The following WDR7 variants were observed in gnomAD, a reference collection of about 807,000 sequenced individuals.
WDR7 encodes the protein WD repeat-containing protein 7.
In WDR7, 46 loss-of-function variants were observed where a neutral mutation model predicts 169.4. The observed-to-expected ratio is 0.27, with a 90% CI of 0.21 to 0.35. The LOEUF (loss-of-function observed/expected upper bound fraction) is 0.35, where lower values mean the gene tolerates loss of function less well. Among genes scored for constraint, WDR7 ranks in the 10% least tolerant of loss-of-function variants. WDR7 has a pLI of 1.00. For synonymous variants in WDR7, 612 were observed against 666.8 expected, an observed-to-expected ratio of 0.92 and a Z score of 1.27; for missense variants, 1,534 against 1,859.3, an observed-to-expected ratio of 0.83 and a Z score of 3.22.
chr18:56,947,136 C>T (rs1301277878), intron 25 of WDR7, among the ~76,000 whole-genome samples: 1 of 152,172 alleles, frequency 6.6e-6, no homozygotes, highest in East Asian at 1.9e-4. Flanking sequence ...TGTTTTATCA[C>T]TGTAACAAAT....
intron 19 of WDR7, among the ~76,000 whole-genome samples, chr18:56,793,541 T>C (rs916140389): frequency 4.6e-5 from 7 of 152,248 alleles, no homozygotes; most frequent in Admixed American, 4.6e-4. Flanking sequence ...TGATTTTCTT[T>C]CACACTAAAT....
intron 1 of WDR7, among the ~76,000 whole-genome samples, chr18:56,667,755 G>C (rs621618): frequency 0.16 from 25,013 of 151,978 alleles, 2,508 homozygotes; most frequent in African/African-American, 0.28. Flanking sequence ...GATCACCTTG[G>C]TGTGTTGAAA....
intron 21 of WDR7, among the ~76,000 whole-genome samples, chr18:56,894,275 C>T (rs527323413): frequency 1.3e-5 from 2 of 152,104 alleles, no homozygotes; most frequent in Admixed American, 6.6e-5. Context: ...ATGTGGATCA[C>T]ATCCATGTTT....
At chr18:56,853,650 C>T (rs2045674365) in intron 20 of WDR7, among the ~76,000 whole-genome samples, 1 of 152,100 alleles carries the variant, frequency 6.6e-6, no homozygotes, top group African/African-American at 2.4e-5. Flanking sequence ...TGTTACATTC[C>T]CTGTCTGCTT....
At chr18:56,808,953 G>A (rs182473756) in intron 19 of WDR7, among the ~76,000 whole-genome samples, 44 of 152,150 alleles carry the variant, frequency 2.9e-4, no homozygotes, top group African/African-American at 7.9e-4. Context: ...AATCTAGATG[G>A]CGTGAGGATC....
At chr18:56,991,542 G>C (rs1599226337) in intron 26 of WDR7, among the ~76,000 whole-genome samples, 2 of 152,190 alleles carry the variant, frequency 1.3e-5, no homozygotes, top group East Asian at 1.9e-4. Flanking sequence ...AACCCTGTTG[G>C]GGGGAAAAAA....
At chr18:56,834,006 C>T (rs2045357240) in intron 20 of WDR7, among the ~76,000 whole-genome samples, 6 of 152,208 alleles carry the variant, frequency 3.9e-5, no homozygotes, top group Admixed American at 3.9e-4. Context: ...ATGGCTAAGT[C>T]TTATCTGAGG....
At position 56,651,396 on chromosome 18, in the gene WDR7, C is replaced by G. The variant is rs918817112; in HGVS notation, c.-200C>G. On this transcript the variant is annotated 5_prime_UTR_variant, in exon 1 of 28. Transcript: ENST00000254442. ...GCAGTGGCGGCGGCGGCGGCACCGG[C>G]ACCTTGCAGTATCACTGGGGAGACG... The G allele has an allele frequency of 6.5e-6, 1 of 153,910 alleles. No individual in the cohort carries two copies. Among genetic ancestry groups the G allele is most frequent in the Admixed American group, 6.5e-5 (1 of 15,302 alleles). The allele number at this position is 153,910 out of a possible 1,614,324, so 9.5% of individuals were successfully genotyped here.
At chr18:56,838,198 T>A (rs1158628965) in intron 20 of WDR7, among the ~76,000 whole-genome samples, 2 of 151,650 alleles carry the variant, frequency 1.3e-5, no homozygotes, top group Non-Finnish European at 2.9e-5. Flanking sequence ...GTGTCATTGT[T>A]GCTTTATTAT....
intron 26 of WDR7, among the ~76,000 whole-genome samples, chr18:57,018,239 A>G (rs1042016658): frequency 6.6e-6 from 1 of 152,234 alleles, no homozygotes; most frequent in Admixed American, 6.5e-5. Flanking sequence ...ACCTCTACAC[A>G]GAGTTGGGCT....
At chr18:57,009,737 T>G (rs1355855884) in intron 26 of WDR7, 1 of 606,302 alleles carries the variant, frequency 1.6e-6, no homozygotes, top group Non-Finnish European at 2.1e-6. Context: ...AGCATTTCTC[T>G]TTTCAGAATG....
intron 12 of WDR7, among the ~76,000 whole-genome samples, chr18:56,702,227 C>G (rs533118155): frequency 6.6e-6 from 1 of 152,130 alleles, no homozygotes; most frequent in Non-Finnish European, 1.5e-5. Context: ...TCCCTTCCAC[C>G]TCCCTCCCAG....
rs769359966 is a variant in WDR7, at chr18:56,756,955, T to C, written c.2362T>C (p.Leu788=). 2 of 1,614,114 alleles carry C rather than the reference T, an allele frequency of 1.2e-6. No individual in the cohort carries two copies. Among genetic ancestry groups the C allele is most frequent in the Non-Finnish European group, 1.7e-6 (2 of 1,180,018 alleles). ...ATATCGGTCCAGCAAATCAAAGCCA[T>C]TGACCCTATTAGAATATAATTTAAC... ...PEYRSSKSKP[L]TLLEYNLTMD... The change falls in exon 15 of 28, where the codon TTG becomes CTG. Residue 788 remains leucine, a synonymous_variant. Coordinates refer to ENST00000254442, the MANE Select transcript of WDR7 (RefSeq NM_015285.3).
intron 20 of WDR7, among the ~76,000 whole-genome samples, chr18:56,863,206 ATC>A (rs1803543796): frequency 6.6e-6 from 1 of 151,824 alleles, no homozygotes. Context: ...GACAAATAAA[ATC>A]TCTTTTCTTA....
chr18:56,897,139 A>G (rs542563211), intron 21 of WDR7, among the ~76,000 whole-genome samples: 2 of 152,040 alleles, frequency 1.3e-5, no homozygotes, highest in East Asian at 1.9e-4. Flanking sequence ...CTGAAAACCT[A>G]AAGTCCAACA....
At chr18:56,724,900 G>C (rs1229374338) in intron 13 of WDR7, among the ~76,000 whole-genome samples, 1 of 151,960 alleles carries the variant, frequency 6.6e-6, no homozygotes, top group Non-Finnish European at 1.5e-5. Flanking sequence ...GAGAACATGC[G>C]GTGTTTGGTT....
intron 19 of WDR7, among the ~76,000 whole-genome samples, chr18:56,785,716 C>G (rs1025920503): frequency 3.3e-5 from 5 of 151,764 alleles, no homozygotes; most frequent in Non-Finnish European, 7.4e-5. Context: ...TGACTGGGAT[C>G]TTCTATATTT....
At chr18:56,853,015 ATTAT>A (rs1460633121) in intron 20 of WDR7, among the ~76,000 whole-genome samples, 1 of 149,742 alleles carries the variant, frequency 6.7e-6, no homozygotes, top group African/African-American at 2.5e-5. Context: ...ACTTGAAAAC[ATTAT>A]TTATTGTTTA....
intron 14 of WDR7, among the ~76,000 whole-genome samples, chr18:56,746,895 C>T (rs1345904829): frequency 1.3e-5 from 2 of 152,162 alleles, no homozygotes; most frequent in Non-Finnish European, 2.9e-5. Flanking sequence ...TCCAAGTCGT[C>T]ACTAGCAAAG....
Sources: gnomAD v4.1 joint callset for allele counts (sites outside exome capture counted in the v4.1 genomes callset) on GRCh38, gnomAD v4.1.1 for gene constraint, MANE v1.5 for transcripts, NCBI Gene and HGNC (gene_info 2026-07-23, HGNC 2026-07-21) for gene names.